Variants in KLHDC4 observed in about 807,000 individuals in gnomAD.
KLHDC4 encodes kelch domain-containing protein 4.
KLHDC4 carries 90 observed loss-of-function variants against 62.4 expected under a neutral mutation model. The ratio of observed to expected loss-of-function variants is 1.44; its 90% CI spans 1.22 to 1.72. The LOEUF (loss-of-function observed/expected upper bound fraction) is 1.72. KLHDC4 is among the 40% of genes most tolerant of loss of function. The probability of loss-of-function intolerance (pLI) is 0.00; values close to 1 mark genes in which losing one functional copy is unlikely to be tolerated. For missense variants in KLHDC4, 1,025 were observed against 699.7 expected, an observed-to-expected ratio of 1.47 and a Z score of -5.25; for synonymous variants, 386 against 284.4, an observed-to-expected ratio of 1.36 and a Z score of -3.59.
chr16:87,742,776 C>T (rs1015049247), intron 5 of KLHDC4, among the ~76,000 whole-genome samples: 10 of 152,148 alleles, frequency 6.6e-5, no homozygotes, highest in African/African-American at 9.7e-5. Context: ...CAGCAGACAG[C>T]TCTGCTGGCC....
At chr16:87,732,603 T>C (rs961585035) in intron 5 of KLHDC4, among the ~76,000 whole-genome samples, 5 of 152,246 alleles carry the variant, frequency 3.3e-5, no homozygotes, top group African/African-American at 1.2e-4. Flanking sequence ...TCAACCTCCC[T>C]AGTAATCAAA....
intron 5 of KLHDC4, among the ~76,000 whole-genome samples, chr16:87,735,591 T>C (rs2041176540): frequency 6.6e-6 from 1 of 152,276 alleles, no homozygotes; most frequent in South Asian, 2.1e-4. Flanking sequence ...ATCACCGTTT[T>C]CTACCTAAAA....
At chr16:87,709,776 G>A (rs1464915995) in intron 9 of KLHDC4, 109 bp from the exon 10 acceptor site, 1 of 1,308,254 alleles carries the variant, frequency 7.6e-7, no homozygotes, top group East Asian at 2.5e-5. Flanking sequence ...CCACAAGCGT[G>A]GGGAGTGTGT....
At chr16:87,746,465 A>G (rs1393336820) in intron 5 of KLHDC4, among the ~76,000 whole-genome samples, 2 of 152,172 alleles carry the variant, frequency 1.3e-5, no homozygotes, top group Non-Finnish European at 2.9e-5. Context: ...CGTACTCACA[A>G]CAGGCTGTGT....
intron 2 of KLHDC4, among the ~76,000 whole-genome samples, chr16:87,759,742 GA>G (rs994853230): frequency 1.3e-5 from 2 of 151,178 alleles, no homozygotes; most frequent in African/African-American, 2.4e-5. Context: ...CTCCGTCTCA[GA>G]AAAAAAAATA....
intron 2 of KLHDC4, 112 bp downstream of exon 2, chr16:87,761,837 A>C (rs2045940016): frequency 6.9e-6 from 7 of 1,020,806 alleles, no homozygotes; most frequent in Non-Finnish European, 9.1e-6. Flanking sequence ...GGTTTTAATA[A>C]TGAAAATGTC....
chr16:87,731,043 A>ATTT (rs2040265898), intron 5 of KLHDC4: 1 of 128,424 alleles, frequency 7.8e-6, no homozygotes, highest in Non-Finnish European at 1.6e-5. Context: ...TACATACAGA[A>ATTT]TTCTTTTTTT....
chr16:87,718,793 C>T (rs1191427133), intron 7 of KLHDC4, among the ~76,000 whole-genome samples: 5 of 151,296 alleles, frequency 3.3e-5, no homozygotes, highest in African/African-American at 1.2e-4. Context: ...CGTCTCTGAC[C>T]GGCCGCCCAT....
intron 5 of KLHDC4, among the ~76,000 whole-genome samples, chr16:87,747,157 G>T (rs1019949974): frequency 6.6e-6 from 1 of 152,242 alleles, no homozygotes; most frequent in African/African-American, 2.4e-5. Flanking sequence ...GTCACAGACA[G>T]CTCAGAGTCA....
intron 2 of KLHDC4, among the ~76,000 whole-genome samples, 182 bp from the exon 3 acceptor site, chr16:87,756,659 C>G (rs527252631): frequency 3.3e-5 from 5 of 150,894 alleles, no homozygotes; most frequent in Non-Finnish European, 7.4e-5. Context: ...TCTACCAGTG[C>G]CCAGGGCCAC....
rs191021702 is a variant in KLHDC4 at position 87,762,277 on chromosome 16, C to G, written c.100-237G>C. 6 of 671,272 alleles carry G rather than the reference C, an allele frequency of 8.9e-6. No homozygotes were observed. The Admixed American group carries it at 1.2e-4, about 14-fold the overall frequency. The allele number at this position is 671,272 out of a possible 1,614,324, so 41.6% of individuals were successfully genotyped here. On this transcript the variant is annotated intron_variant, in intron 1 of 11. Coordinates refer to ENST00000270583, the MANE Select transcript of KLHDC4 (RefSeq NM_017566.4). ...GTGTGCACCAAGTATTATCTCCACA[C>G]CCTTAACGCTCCCTCTGCAAGACCT...
intron 8 of KLHDC4, among the ~76,000 whole-genome samples, chr16:87,713,314 C>T (rs1018990597): frequency 2.0e-5 from 3 of 152,026 alleles, no homozygotes; most frequent in Non-Finnish European, 4.4e-5. Context: ...ATTCTCCTGC[C>T]TCAGCCTCCC....
chr16:87,754,778 G>T (rs952157573), intron 4 of KLHDC4, among the ~76,000 whole-genome samples: 1 of 152,202 alleles, frequency 6.6e-6, no homozygotes, highest in Non-Finnish European at 1.5e-5. Context: ...TGCTAAGTCA[G>T]TGCCACTTCT....
chr16:87,755,883 C>G (rs929354082), intron 3 of KLHDC4: 1 of 162,118 alleles, frequency 6.2e-6, no homozygotes, highest in Admixed American at 5.7e-5. Context: ...TTTCTAAATG[C>G]ACGAAAACTG....
chr16:87,755,180 A>G lies in KLHDC4; in HGVS notation c.369+14T>C, dbSNP rs761098114. 4.5e-6 allele frequency: 7 copies of G among 1,567,692 alleles called. No individual in the cohort carries two copies. The East Asian group carries it at 1.6e-4, about 35-fold the overall frequency. ...GGAAGAGGGAGGGTGGCTGAGAGTC[A>G]GTGCTGACATTACCTGGTGAGCACA... On this transcript the variant is annotated intron_variant, in intron 4 of 11. Coordinates refer to ENST00000270583, the MANE Select transcript of KLHDC4 (RefSeq NM_017566.4).
chr16:87,748,577 A>G, intron 5 of KLHDC4, 96 bp downstream of exon 5: 1 of 1,492,282 alleles, frequency 6.7e-7, no homozygotes, highest in Non-Finnish European at 9.1e-7. Context: ...GTTCCTCTGA[A>G]CCCTGGTATT....
At chr16:87,746,276 A>G (rs1425435231) in intron 5 of KLHDC4, among the ~76,000 whole-genome samples, 2 of 151,874 alleles carry the variant, frequency 1.3e-5, no homozygotes, top group East Asian at 1.9e-4. Flanking sequence ...TCTCTTGAAG[A>G]AGGAAGAAAG....
Position 87,748,797 on chromosome 16 carries a change from G to T in KLHDC4, c.382C>A (p.Pro128Thr). Reference sequence around the variant, plus strand: ...ACCCACAGCTGTCCGCCACCTTGAGGCACTACCACCGCCTGTGAAAAGAAA... The same window carrying T: ...ACCCACAGCTGTCCGCCACCTTGAGTCACTACCACCGCCTGTGAAAAGAAA... The part of the protein sequence containing the change: ...RRCAHQAVVV[P>T]QGGGQLWVFG... Residue 128 changes from proline to threonine, a missense_variant, in exon 5 of 12, where the codon CCT (proline) becomes ACT (threonine). By Grantham distance (38) the Pro-to-Thr change is conservative (BLOSUM62 -1). Coordinates refer to ENST00000270583, the MANE Select transcript of KLHDC4 (RefSeq NM_017566.4). The T allele has an allele frequency of 1.9e-6, 3 of 1,612,270 alleles. No homozygotes were observed. The highest frequency in any genetic ancestry group is 2.5e-6 in the Non-Finnish European group (3 of 1,179,648).
intron 4 of KLHDC4, 39 bp downstream of exon 4, chr16:87,755,155 G>T: frequency 7.3e-7 from 1 of 1,379,010 alleles, no homozygotes; most frequent in Non-Finnish European, 1.0e-6. Context: ...CTCCCACGTG[G>T]GAAGAGGGAG....
Sources: allele counts gnomAD v4.1 joint callset (sites outside exome capture counted in the v4.1 genomes callset), GRCh38; gene constraint gnomAD v4.1.1; transcripts MANE v1.5; gene names NCBI Gene and HGNC (gene_info 2026-07-23, HGNC 2026-07-21).